The following GALNT17 variants were observed in gnomAD, a reference collection of about 807,000 sequenced individuals.
The protein encoded by GALNT17 is UDP-GalNAc:polypeptide N-acetylgalactosaminyltransferase-like 3.
GALNT17 carries 29 observed loss-of-function variants against 63.7 expected under a neutral mutation model. That is an observed-to-expected ratio of 0.46 (90% confidence interval 0.34 to 0.62). The LOEUF is 0.62. Among genes scored for constraint, GALNT17 ranks in the 20% least tolerant of loss-of-function variants. The probability of loss-of-function intolerance (pLI) is 0.01; values close to 1 mark genes in which losing one functional copy is unlikely to be tolerated. For synonymous variants in GALNT17, 305 were observed against 318.3 expected (o/e 0.96, Z 0.45); for missense variants, 603 against 799.6 (o/e 0.75, Z 2.97).
At chr7:71,561,138 G>A (rs1033093844) in intron 5 of GALNT17, among the ~76,000 whole-genome samples, 14 of 152,146 alleles carry the variant, frequency 9.2e-5, no homozygotes, top group African/African-American at 1.9e-4. Flanking sequence ...TCAGCCTCCC[G>A]AGTAGCTGGG....
At chr7:71,609,153 A>G (rs1320658563) in intron 6 of GALNT17, among the ~76,000 whole-genome samples, 1 of 152,142 alleles carries the variant, frequency 6.6e-6, no homozygotes, top group African/African-American at 2.4e-5. Flanking sequence ...CAGGATCCAC[A>G]TCACAGCCTT....
chr7:71,374,419 C>T (rs1792682874), intron 2 of GALNT17, among the ~76,000 whole-genome samples: 1 of 152,228 alleles, frequency 6.6e-6, no homozygotes. Flanking sequence ...TGGGGGCCGC[C>T]TTTCTGCTCC....
intron 6 of GALNT17, among the ~76,000 whole-genome samples, chr7:71,644,792 A>G (rs34967803): frequency 0.034 from 5,124 of 152,150 alleles, 120 homozygotes; most frequent in Non-Finnish European, 0.053. Flanking sequence ...AATTCTACAC[A>G]TTACAAGTCA....
intron 5 of GALNT17, among the ~76,000 whole-genome samples, chr7:71,562,255 CA>C (rs1789269284): frequency 6.6e-6 from 1 of 152,204 alleles, no homozygotes. Flanking sequence ...TGCACCACTG[CA>C]TCTGGTTCAC....
intron 1 of GALNT17, among the ~76,000 whole-genome samples, chr7:71,226,760 G>A (rs1165441913): frequency 6.6e-6 from 1 of 152,084 alleles, no homozygotes; most frequent in East Asian, 1.9e-4. Context: ...GATTACAGAC[G>A]TGAGCAACTA....
At chr7:71,375,954 G>A (rs2116293794) in intron 2 of GALNT17, among the ~76,000 whole-genome samples, 1 of 152,254 alleles carries the variant, frequency 6.6e-6, no homozygotes, top group Non-Finnish European at 1.5e-5. Context: ...GCGTGCGCCT[G>A]TCATCCCAGC....
intron 1 of GALNT17, among the ~76,000 whole-genome samples, chr7:71,198,293 T>C (rs1285607409): frequency 6.6e-6 from 1 of 151,872 alleles, no homozygotes; most frequent in Non-Finnish European, 1.5e-5. Flanking sequence ...CCAACAAATG[T>C]TGGTTCTTTT....
chr7:71,437,306 C>G (rs1217422674), intron 5 of GALNT17, among the ~76,000 whole-genome samples: 1 of 152,184 alleles, frequency 6.6e-6, no homozygotes, highest in South Asian at 2.1e-4. Flanking sequence ...CCCAGCCTTC[C>G]AAGATTTGCT....
intron 2 of GALNT17, among the ~76,000 whole-genome samples, chr7:71,378,732 C>A (rs897402990): frequency 2.0e-5 from 3 of 151,890 alleles, no homozygotes; most frequent in Admixed American, 2.0e-4. Flanking sequence ...GCCTGTAATC[C>A]CAGTGCTTTG....
chr7:71,700,572 A>T (rs1308762219), intron 9 of GALNT17, among the ~76,000 whole-genome samples: 1 of 152,104 alleles, frequency 6.6e-6, no homozygotes, highest in East Asian at 1.9e-4. Flanking sequence ...CCCCACCTCT[A>T]TACTCCATCA....
rs375365987 is a variant in GALNT17 at position 71,528,893 on chromosome 7, G to A, written c.963-42392G>A. Among the ~76,000 whole-genome samples the A allele has an allele frequency of 2.3e-4, 35 of 152,202 alleles. No individual in the cohort carries two copies. The East Asian group carries it at 6.2e-3, about 27-fold the overall frequency. ...CTCATACCTGTAATCCCAGCACTTC[G>A]GGAGGCCGAGGAGGGAAGATCACCT... On this transcript the variant is annotated intron_variant, in intron 5 of 10. Transcript: ENST00000333538.
At chr7:71,576,992 A>G (rs1789549820) in intron 6 of GALNT17, among the ~76,000 whole-genome samples, 1 of 152,232 alleles carries the variant, frequency 6.6e-6, no homozygotes, top group South Asian at 2.1e-4. Flanking sequence ...TGGGATAAAG[A>G]AAATGTGGTA....
intron 5 of GALNT17, among the ~76,000 whole-genome samples, chr7:71,498,360 C>T (rs1415209197): frequency 6.6e-6 from 1 of 151,940 alleles, no homozygotes; most frequent in Non-Finnish European, 1.5e-5. Context: ...GTCTGTAATC[C>T]CAGCTGCTTG....
chr7:71,286,153 G>A (rs183947581), intron 1 of GALNT17, among the ~76,000 whole-genome samples: 1 of 152,280 alleles, frequency 6.6e-6, no homozygotes, highest in East Asian at 1.9e-4. Flanking sequence ...ATATGATTGT[G>A]TGCACACATT....
chr7:71,290,016 G>A (rs911339234), intron 1 of GALNT17, among the ~76,000 whole-genome samples: 1 of 152,188 alleles, frequency 6.6e-6, no homozygotes, highest in African/African-American at 2.4e-5. Flanking sequence ...CTGCACTCCA[G>A]CATGGGCAAC....
intron 6 of GALNT17, among the ~76,000 whole-genome samples, chr7:71,646,250 T>G (rs1790674197): frequency 6.6e-6 from 1 of 152,164 alleles, no homozygotes; most frequent in Admixed American, 6.5e-5. Context: ...TTTTAAAAAT[T>G]TAATTGATTT....
At position 71,538,848 on chromosome 7, in the gene GALNT17, A is replaced by G. The variant is rs541899560; in HGVS notation, c.963-32437A>G. On this transcript the variant is annotated intron_variant, in intron 5 of 10. Coordinates refer to ENST00000333538, the MANE Select transcript of GALNT17 (RefSeq NM_022479.3). ...GACAGTTGGACGGAGGGAGAGAGAA[A>G]GGAAGGAGGGAGGGATGGTGGGAGA... 2.7e-5 allele frequency among the ~76,000 whole-genome samples: 4 copies of G among 149,948 alleles called. 1 individual carries two copies. The South Asian group carries it at 8.8e-4, about 33-fold the overall frequency.
chr7:71,212,766 C>T (rs1279683181), intron 1 of GALNT17, among the ~76,000 whole-genome samples: 4 of 152,110 alleles, frequency 2.6e-5, no homozygotes, highest in Admixed American at 1.3e-4. Flanking sequence ...CTGCCCTGCT[C>T]GATTTCAGAC....
At chr7:71,669,763 G>A (rs966797677) in intron 7 of GALNT17, among the ~76,000 whole-genome samples, 7 of 151,826 alleles carry the variant, frequency 4.6e-5, no homozygotes, top group Admixed American at 6.6e-5. Flanking sequence ...GGGTTTCGCC[G>A]TGTTGGCCAG....
Sources: gnomAD v4.1 joint callset for allele counts (sites outside exome capture counted in the v4.1 genomes callset) on GRCh38, gnomAD v4.1.1 for gene constraint, MANE v1.5 for transcripts, NCBI Gene and HGNC (gene_info 2026-07-23, HGNC 2026-07-21) for gene names.